Variants in GRIK4 observed in about 807,000 individuals in gnomAD.
The protein encoded by GRIK4 is glutamate receptor ionotropic, kainate 4.
Under a neutral mutation model 104.9 loss-of-function variants are expected in GRIK4, and 40 were observed. The observed-to-expected ratio is 0.38, with a 90% CI of 0.30 to 0.50. The LOEUF (loss-of-function observed/expected upper bound fraction) is 0.50. GRIK4 is among the 20% of genes least tolerant of loss of function. The pLI is 0.93. For synonymous variants in GRIK4, 485 were observed against 524.9 expected, an observed-to-expected ratio of 0.92 and a Z score of 1.04; for missense variants, 1,047 against 1,308.1, an observed-to-expected ratio of 0.80 and a Z score of 3.08.
rs557265737 is a variant in GRIK4 at position 120,633,196 on chromosome 11, G to C, written c.-158-20489G>C. ...CAGAGTCTTCTTGGCCTGGAGCTTC[G>C]TTTAAGATGAAGTGCCAATGGCAAG... is the stretch of plus-strand genomic sequence containing the variant. On this transcript the variant is annotated intron_variant, in intron 1 of 20. Coordinates refer to ENST00000527524, the MANE Select transcript of GRIK4 (RefSeq NM_014619.5). Among the ~76,000 whole-genome samples the C allele has an allele frequency of 4.6e-5, 7 of 152,214 alleles. No homozygotes were observed. The South Asian group carries it at 1.5e-3, about 32-fold the overall frequency.
chr11:120,518,285 AGCTGT>A (rs372400413), intron 1 of GRIK4, among the ~76,000 whole-genome samples: 170 of 152,300 alleles, frequency 1.1e-3, no homozygotes, highest in Middle Eastern at 3.4e-3. Context: ...GACTCTCGGC[AGCTGT>A]GCTGAGCACG....
At chr11:120,927,187 T>TTATTGTC (rs5795249) in intron 13 of GRIK4, among the ~76,000 whole-genome samples, 105,415 of 151,900 alleles carry the variant, frequency 0.69, 40,282 homozygotes, top group East Asian at 0.99. Context: ...AGTTGGGTCT[T>TTATTGTC]TATGAACTTG....
intron 1 of GRIK4, among the ~76,000 whole-genome samples, chr11:120,564,207 C>T (rs1948277454): frequency 6.6e-6 from 1 of 152,262 alleles, no homozygotes; most frequent in Non-Finnish European, 1.5e-5. Flanking sequence ...ACTCGCCCCG[C>T]TCAGACGGCA....
Position 120,986,065 on chromosome 11 carries a change from G to A in GRIK4, c.2676G>A (p.Leu892=). Residue 892 remains leucine (L), a synonymous_variant, in exon 21 of 21, where the codon CTG becomes CTA. Coordinates refer to ENST00000527524, the MANE Select transcript of GRIK4 (RefSeq NM_014619.5). ...RGTATLSNGK[L]CGAGEPDQLA... ...CGGCGACGCTCAGCAACGGGAAGCT[G>A]TGCGGGGCAGGGGAGCCCGACCAGC... 6.6e-7 allele frequency: 1 copy of A among 1,519,950 alleles called. No homozygotes were observed. The highest frequency in any genetic ancestry group is 8.8e-7 in the Non-Finnish European group (1 of 1,137,550). The allele number at this position is 1,519,950 out of a possible 1,614,324, so 94.2% of individuals were successfully genotyped here.
At chr11:120,632,070 G>C (rs1055968547) in intron 1 of GRIK4, among the ~76,000 whole-genome samples, 5 of 152,144 alleles carry the variant, frequency 3.3e-5, no homozygotes, top group African/African-American at 1.2e-4. Context: ...CTTGAAATTC[G>C]TGTGTTGAAT....
intron 1 of GRIK4, among the ~76,000 whole-genome samples, chr11:120,554,776 C>G (rs1346365022): frequency 2.0e-5 from 3 of 152,152 alleles, no homozygotes; most frequent in Non-Finnish European, 4.4e-5. Flanking sequence ...CCAGGCTGGT[C>G]TCGAACTCCT....
chr11:120,739,962 G>C (rs1951298098), intron 3 of GRIK4, among the ~76,000 whole-genome samples: 1 of 152,144 alleles, frequency 6.6e-6, no homozygotes, highest in Non-Finnish European at 1.5e-5. Context: ...CCAGCCAGCT[G>C]ACCTCACATG....
rs1436254459 is a variant in GRIK4 at position 120,905,168 on chromosome 11, C to T, written c.1273-122C>T. The T allele has an allele frequency of 5.4e-6, 4 of 743,752 alleles. No homozygotes were observed. The highest frequency in any genetic ancestry group is 1.7e-5 in the African/African-American group (1 of 58,742). 46.1% of individuals were successfully genotyped at this position (743,752 alleles called of 1,614,324 possible). Reference sequence around the variant, plus strand: ...TCACCCCAAAGTAGCCCATTACCCACGTCAGTTTCCTCCTTCTGCCCCATG... The same window carrying T: ...TCACCCCAAAGTAGCCCATTACCCATGTCAGTTTCCTCCTTCTGCCCCATG... On this transcript the variant is annotated intron_variant, in intron 12 of 20. Transcript: ENST00000527524. The surrounding 1 kb of genome is among the most constrained non-coding windows in gnomAD (Gnocchi z 5.1).
At chr11:120,771,882 C>T (rs913174783) in intron 3 of GRIK4, among the ~76,000 whole-genome samples, 1 of 152,252 alleles carries the variant, frequency 6.6e-6, no homozygotes, top group Non-Finnish European at 1.5e-5. Context: ...AGTGAGATCA[C>T]CATGGAGAAC....
chr11:120,545,366 T>G (rs890809512), intron 1 of GRIK4, among the ~76,000 whole-genome samples: 2 of 152,190 alleles, frequency 1.3e-5, no homozygotes, highest in African/African-American at 2.4e-5. Flanking sequence ...TATGTGCTCA[T>G]TGAAGAGAGT....
At chr11:120,598,986 G>A (rs1178470433) in intron 1 of GRIK4, among the ~76,000 whole-genome samples, 2 of 152,198 alleles carry the variant, frequency 1.3e-5, no homozygotes, top group East Asian at 3.9e-4. Flanking sequence ...GAAGGGGTGT[G>A]CCTGCAGGAA....
At chr11:120,627,790 A>G (rs1486864984) in intron 1 of GRIK4, among the ~76,000 whole-genome samples, 2 of 152,188 alleles carry the variant, frequency 1.3e-5, no homozygotes, top group Admixed American at 1.3e-4. Flanking sequence ...GTCCCCAAAG[A>G]GCTGCTCCCA....
At chr11:120,756,470 A>T (rs1399466416) in intron 3 of GRIK4, among the ~76,000 whole-genome samples, 1 of 152,222 alleles carries the variant, frequency 6.6e-6, no homozygotes, top group Non-Finnish European at 1.5e-5. Context: ...CTAGTATCCT[A>T]AAGAAAACCC....
chr11:120,860,770 C>A (rs1406809680), intron 8 of GRIK4, among the ~76,000 whole-genome samples: 3 of 152,180 alleles, frequency 2.0e-5, no homozygotes, highest in African/African-American at 7.2e-5. Flanking sequence ...AGGCACCACC[C>A]TACCCGCAAA....
Position 120,905,763 on chromosome 11 carries a change from G to A in GRIK4, c.1476+270G>A, listed in dbSNP as rs534565776. On this transcript the variant is annotated intron_variant, in intron 13 of 20. Transcript: ENST00000527524. This position sits in a 1 kb window ranked among gnomAD's most constrained non-coding sequence, Gnocchi z 5.1. ...GCTCTGATTGATTAACACAGATGAG[G>A]GAGTTTGGGTTCCATTTTTGGTGCT... Among the ~76,000 whole-genome samples, 2 of 152,238 alleles carry A rather than the reference G, an allele frequency of 1.3e-5. No individual in the cohort carries two copies. Among genetic ancestry groups the A allele is most frequent in the Admixed American group, 1.3e-4 (2 of 15,296 alleles).
At chr11:120,915,750 T>C (rs1592076079) in intron 13 of GRIK4, among the ~76,000 whole-genome samples, 1 of 152,028 alleles carries the variant, frequency 6.6e-6, no homozygotes, top group South Asian at 2.1e-4. Context: ...AGAAGCAGGG[T>C]GCTATAACTC....
intron 1 of GRIK4, among the ~76,000 whole-genome samples, chr11:120,520,645 C>T (rs554666493): frequency 2.0e-5 from 3 of 152,348 alleles, no homozygotes; most frequent in South Asian, 4.1e-4. Context: ...CCACTCACCA[C>T]CTCCTCCAAG....
intron 13 of GRIK4, among the ~76,000 whole-genome samples, chr11:120,925,584 C>T (rs1449136568): frequency 6.6e-6 from 1 of 152,190 alleles, no homozygotes; most frequent in Non-Finnish European, 1.5e-5. Context: ...GGTGGACTCA[C>T]TGGTGAAAAT....
rs1947834627 is a variant in GRIK4 at position 120,524,345 on chromosome 11, A to G, written c.-159+12458A>G. ...GAGGCCCTGGACTCTGGAGCCCTAG[A>G]CTAGCAATGAGCCTTGACTCTGGAA... On this transcript the variant is annotated intron_variant, in intron 1 of 20. Coordinates refer to ENST00000527524, the MANE Select transcript of GRIK4 (RefSeq NM_014619.5). This position sits in a 1 kb window ranked among gnomAD's most constrained non-coding sequence, Gnocchi z 4.5. Among the ~76,000 whole-genome samples, 3 of 152,116 alleles carry G rather than the reference A, an allele frequency of 2.0e-5. No homozygotes were observed. The South Asian group carries it at 6.2e-4, about 32-fold the overall frequency.
Sources: gnomAD v4.1 joint callset for allele counts (sites outside exome capture counted in the v4.1 genomes callset) on GRCh38, gnomAD v4.1.1 for gene constraint, Gnocchi (gnomAD v3.1) non-coding constraint, MANE v1.5 for transcripts, NCBI Gene and HGNC (gene_info 2026-07-23, HGNC 2026-07-21) for gene names.